Variants in RP1 observed in about 807,000 individuals in gnomAD.
The protein encoded by RP1 is oxygen-regulated protein 1.
A neutral mutation model predicts 14.8 loss-of-function variants in RP1; 16 were observed. That is an observed-to-expected ratio of 1.08 (90% CI 0.73 to 1.65). The LOEUF is 1.65. Ranked by LOEUF, RP1 falls within the 40% of genes most tolerant of loss-of-function variation. The probability of loss-of-function intolerance (pLI) is 0.00; values close to 1 mark genes in which losing one functional copy is unlikely to be tolerated. For synonymous variants in RP1, 876 were observed against 883.6 expected (o/e 0.99, Z 0.15); for missense variants, 2,631 against 2,535.0 (o/e 1.04, Z -0.81).
chr8:54,578,671 A>T (rs1224406809), intron 1 of RP1, among the ~76,000 whole-genome samples: 8 of 152,222 alleles, frequency 5.3e-5, no homozygotes, highest in Non-Finnish European at 1.5e-5. Context: ...TACCTTTCAA[A>T]TAAAAATATC....
At chr8:54,847,061 G>A (rs1429182167) in intron 25 of RP1, among the ~76,000 whole-genome samples, 1 of 152,104 alleles carries the variant, frequency 6.6e-6, no homozygotes, top group African/African-American at 2.4e-5. Context: ...GCTTCCTCAG[G>A]GCTGCCCCCA....
intron 24 of RP1, among the ~76,000 whole-genome samples, chr8:54,823,709 G>A (rs1811313072): frequency 6.6e-6 from 1 of 152,132 alleles, no homozygotes; most frequent in African/African-American, 2.4e-5. Flanking sequence ...CCTATTGAAG[G>A]ACATTTTGCT....
At chr8:54,685,247 TGTTAG>T (rs1182985293) in intron 12 of RP1, among the ~76,000 whole-genome samples, 1 of 152,196 alleles carries the variant, frequency 6.6e-6, no homozygotes, top group East Asian at 1.9e-4. Flanking sequence ...TTAGTTGTGA[TGTTAG>T]GTTGTTGATT....
At chr8:54,788,668 C>T (rs935841259) in intron 24 of RP1, among the ~76,000 whole-genome samples, 1 of 152,156 alleles carries the variant, frequency 6.6e-6, no homozygotes, top group Non-Finnish European at 1.5e-5. Flanking sequence ...TTTAAAATGG[C>T]ATCTTCTACA....
chr8:54,735,039 C>A (rs542094763), intron 18 of RP1, among the ~76,000 whole-genome samples: 2 of 152,064 alleles, frequency 1.3e-5, no homozygotes, highest in Admixed American at 1.3e-4. Context: ...AATTTATAAC[C>A]GGCTTATAAG....
intron 24 of RP1, among the ~76,000 whole-genome samples, chr8:54,803,230 T>A (rs577395067): frequency 6.6e-6 from 1 of 152,228 alleles, no homozygotes; most frequent in African/African-American, 2.4e-5. Flanking sequence ...GGAGTCCATG[T>A]GATAAATGGA....
intron 23 of RP1, chr8:54,780,909 T>C: frequency 1.0e-6 from 1 of 985,144 alleles, no homozygotes; most frequent in South Asian, 4.7e-5. Context: ...AGAATGGAAA[T>C]GGCAGAGCAC....
chr8:54,818,271 C>T (rs1811180538), intron 24 of RP1, among the ~76,000 whole-genome samples: 1 of 152,204 alleles, frequency 6.6e-6, no homozygotes, highest in Non-Finnish European at 1.5e-5. Flanking sequence ...AGCTCAATTT[C>T]CTCAACTGTG....
chr8:54,605,575 T>A, intron 1 of RP1, among the ~76,000 whole-genome samples: 1 of 152,064 alleles, frequency 6.6e-6, no homozygotes, highest in Non-Finnish European at 1.5e-5. Context: ...CAGAGCTGAG[T>A]TCAGTTCCTG....
intron 22 of RP1, among the ~76,000 whole-genome samples, chr8:54,767,452 G>A (rs1002125824): frequency 6.6e-6 from 1 of 151,182 alleles, no homozygotes; most frequent in Non-Finnish European, 1.5e-5. Flanking sequence ...CTCTGCCTCC[G>A]AGGTTTAAGT....
intron 24 of RP1, among the ~76,000 whole-genome samples, chr8:54,824,934 C>T (rs1811346571): frequency 4.0e-5 from 6 of 151,222 alleles, no homozygotes; most frequent in Admixed American, 2.6e-4. Context: ...TACAAATACT[C>T]AGAGCTAACA....
At chr8:54,674,247 G>A (rs1396078175) in intron 8 of RP1, among the ~76,000 whole-genome samples, 2 of 152,098 alleles carry the variant, frequency 1.3e-5, no homozygotes, top group African/African-American at 4.8e-5. Flanking sequence ...AGTTAGTGGT[G>A]GAGGCAGCAG....
intron 24 of RP1, chr8:54,783,717 ATGAT>A (rs1810247852): frequency 1.6e-6 from 2 of 1,228,006 alleles, no homozygotes; most frequent in African/African-American, 3.1e-5. Flanking sequence ...CAAGGTAAAA[ATGAT>A]ACAGCTATAA....
At chr8:54,589,906 T>C (rs1022721524) in intron 1 of RP1, among the ~76,000 whole-genome samples, 1 of 152,194 alleles carries the variant, frequency 6.6e-6, no homozygotes, top group African/African-American at 2.4e-5. Context: ...AAAATCCTAA[T>C]ACAGTTCCCT....
intron 24 of RP1, among the ~76,000 whole-genome samples, chr8:54,799,989 A>T (rs1481132462): frequency 6.6e-6 from 1 of 152,136 alleles, no homozygotes; most frequent in African/African-American, 2.4e-5. Flanking sequence ...ATCCTTCAGT[A>T]AGAAGAATTG....
chr8:54,811,610 G>A (rs185780018), intron 24 of RP1, among the ~76,000 whole-genome samples: 62 of 152,274 alleles, frequency 4.1e-4, no homozygotes, highest in Admixed American at 2.8e-3. Context: ...ACAGACATAG[G>A]ACTTCAAATA....
At chr8:54,865,837 A>G in exon 28 of RP1, 1 of 1,204,316 alleles carries the variant, frequency 8.3e-7, no homozygotes, top group Non-Finnish European at 1.0e-6. Context: ...TGACACAGGT[A>G]ATGGATGGTT....
At chr8:54,722,224 T>C (rs1188952088) in intron 16 of RP1, among the ~76,000 whole-genome samples, 1 of 148,848 alleles carries the variant, frequency 6.7e-6, no homozygotes, top group African/African-American at 2.5e-5. Context: ...AAAAAAAAAG[T>C]TTATAGTAAT....
intron 24 of RP1, among the ~76,000 whole-genome samples, chr8:54,828,063 C>T (rs1045422872): frequency 1.3e-5 from 2 of 152,198 alleles, no homozygotes; most frequent in Admixed American, 1.3e-4. Context: ...GCGACAAAAA[C>T]ATGCATGGAG....
Sources: allele counts gnomAD v4.1 joint callset (sites outside exome capture counted in the v4.1 genomes callset), GRCh38; gene constraint gnomAD v4.1.1; transcripts MANE v1.5; gene names NCBI Gene and HGNC (gene_info 2026-07-23, HGNC 2026-07-21).